The following ARG2 variants were observed in gnomAD, a reference collection of about 807,000 sequenced individuals.
The protein encoded by ARG2 is arginase 2, also known as arginase-2, mitochondrial.
Under a neutral mutation model 39.4 loss-of-function variants are expected in ARG2, and 21 were observed. The ratio of observed to expected loss-of-function variants is 0.53; its 90% CI spans 0.38 to 0.77. The LOEUF (loss-of-function observed/expected upper bound fraction) is 0.77, where lower values mean the gene tolerates loss of function less well. ARG2 is among the 30% of genes least tolerant of loss of function. The pLI is 0.00. For synonymous variants in ARG2, 150 were observed against 156.7 expected (o/e 0.96, Z 0.32); for missense variants, 378 against 426.2 (o/e 0.89, Z 1.00).
intron 2 of ARG2, among the ~76,000 whole-genome samples, chr14:67,634,217 A>T (rs1159794410): frequency 6.6e-6 from 1 of 152,150 alleles, no homozygotes; most frequent in Non-Finnish European, 1.5e-5. Flanking sequence ...TGCTACTTAG[A>T]AGCCACCTGG....
At chr14:67,643,956 G>A (rs2037065461) in intron 3 of ARG2, among the ~76,000 whole-genome samples, 1 of 149,864 alleles carries the variant, frequency 6.7e-6, no homozygotes, top group Non-Finnish European at 1.5e-5. Context: ...AAATCAACCA[G>A]AGGGCAAGTC....
rs774897437 is a variant in ARG2 at position 67,642,278 on chromosome 14, G to A, written c.277G>A (p.Gly93Ser). 6.2e-7 allele frequency: 1 copy of A among 1,613,960 alleles called. No individual in the cohort carries two copies. Among genetic ancestry groups the A allele is most frequent in the African/African-American group, 1.3e-5 (1 of 74,898 alleles). ...CCTGATAGTGAATCCACGCTCAGTGGGTCTTGCCAACCAGGAACTGGCTGA... is the reference window on the plus strand; with the variant it reads ...CCTGATAGTGAATCCACGCTCAGTGAGTCTTGCCAACCAGGAACTGGCTGA... The part of the protein sequence containing the change: ...NNLIVNPRSV[G>S]LANQELAEVV... Residue 93 changes from glycine to serine, a missense_variant, in exon 3 of 8, where the codon GGT becomes AGT. Gly to Ser is a moderately conservative substitution (Grantham distance 56). Transcript: ENST00000261783.
At chr14:67,624,818 G>A (rs946126324) in intron 2 of ARG2, among the ~76,000 whole-genome samples, 1 of 152,146 alleles carries the variant, frequency 6.6e-6, no homozygotes, top group African/African-American at 2.4e-5. Context: ...CAGCAATCTG[G>A]GGAGCATTTA....
intron 6 of ARG2, 57 bp downstream of exon 6, chr14:67,647,082 CTG>C: frequency 9.1e-7 from 1 of 1,104,964 alleles, no homozygotes; most frequent in East Asian, 2.4e-5. Flanking sequence ...CACTTTTAGC[CTG>C]TTTCTTGAGG....
chr14:67,626,633 G>T (rs2036869150), intron 2 of ARG2, among the ~76,000 whole-genome samples: 1 of 152,114 alleles, frequency 6.6e-6, no homozygotes, highest in Non-Finnish European at 1.5e-5. Context: ...ACCATGCCCA[G>T]CTAACTTTTG....
At chr14:67,632,038 C>G (rs894272744) in intron 2 of ARG2, among the ~76,000 whole-genome samples, 2 of 152,046 alleles carry the variant, frequency 1.3e-5, no homozygotes, top group Non-Finnish European at 2.9e-5. Context: ...CCATGCCTAG[C>G]TAATTTTGTT....
intron 2 of ARG2, among the ~76,000 whole-genome samples, chr14:67,625,521 C>CA (rs1314119191): frequency 2.0e-5 from 3 of 149,968 alleles, no homozygotes; most frequent in Non-Finnish European, 4.5e-5. Flanking sequence ...ACTAAAAATA[C>CA]AAAAAAAAAT....
intron 6 of ARG2, chr14:67,647,827 A>C (rs2037120392): frequency 3.6e-6 from 2 of 558,062 alleles, no homozygotes; most frequent in Non-Finnish European, 6.4e-6. Context: ...GGTATGCAGA[A>C]CAAATGGCAG....
In ARG2 at chr14:67,639,924, CAAAAA is replaced by C. The variant is rs5809358; in HGVS notation, c.185-2241_185-2237del. Among the ~76,000 whole-genome samples, 339 of 61,858 alleles carry C rather than the reference CAAAAA, an allele frequency of 5.5e-3. 11 individuals are homozygous for C. In the East Asian group the frequency reaches 0.13, roughly 23 times the overall value. 40.6% of individuals were successfully genotyped at this position (61,858 alleles called of 152,430 possible). A position where few individuals can be genotyped will look rare whatever the true frequency, so the allele number is the denominator to read the frequency against. On this transcript the variant is annotated intron_variant, in intron 2 of 7. Transcript: ENST00000261783. ...TGCATGATAGCGCAAGACCCTGTCT[CAAAAA>C]AAAAAAAAAAAAAAAAAAAAGTCTG... is the stretch of plus-strand genomic sequence containing the variant.
chr14:67,640,686 C>T (rs2037020664), intron 2 of ARG2, among the ~76,000 whole-genome samples: 1 of 152,166 alleles, frequency 6.6e-6, no homozygotes, highest in African/African-American at 2.4e-5. Context: ...AGAATATAAT[C>T]TATGTCAATG....
intron 2 of ARG2, among the ~76,000 whole-genome samples, chr14:67,639,000 T>C (rs1174422908): frequency 6.6e-6 from 1 of 152,180 alleles, no homozygotes; most frequent in African/African-American, 2.4e-5. Context: ...CAGAATCCAC[T>C]ACCCAGGTTG....
chr14:67,648,747 A>G (rs951191555), intron 7 of ARG2: 1 of 152,228 alleles, frequency 6.6e-6, no homozygotes, highest in African/African-American at 2.4e-5. Flanking sequence ...AAGACTGGCT[A>G]CTTTTCCAAA....
In ARG2 at chr14:67,642,339, G is replaced by A. The variant is rs2037042121; in HGVS notation, c.338G>A (p.Cys113Tyr). 1.2e-6 allele frequency: 2 copies of A among 1,613,996 alleles called. No homozygotes were observed. The highest frequency in any genetic ancestry group is 2.2e-5 in the East Asian group (1 of 44,880). Residue 113 changes from cysteine (C) to tyrosine (Y), a missense_variant, in exon 3 of 8, where the codon TGT becomes TAT. By Grantham distance (194) the Cys-to-Tyr change is radical. Transcript: ENST00000261783. ...VSRAVSDGYS[C>Y]VTLGGDHSLA... ...AGAGCTGTGTCAGATGGCTACAGCT[G>A]TGTCACACTGGGAGGAGACCACAGG...
At chr14:67,626,839 A>ATT (rs2036871584) in intron 2 of ARG2, among the ~76,000 whole-genome samples, 2 of 152,238 alleles carry the variant, frequency 1.3e-5, no homozygotes, top group South Asian at 4.1e-4. Context: ...CATTAATTGA[A>ATT]TAGGGGAGGA....
intron 2 of ARG2, among the ~76,000 whole-genome samples, chr14:67,629,059 T>TG (rs1275021371): frequency 6.6e-6 from 1 of 151,958 alleles, no homozygotes; most frequent in East Asian, 1.9e-4. Flanking sequence ...CAGGGCTGGG[T>TG]GGGGTGGCTC....
At chr14:67,621,306 TA>T (rs2036808096) in intron 2 of ARG2, among the ~76,000 whole-genome samples, 1 of 152,188 alleles carries the variant, frequency 6.6e-6, no homozygotes, top group Non-Finnish European at 1.5e-5. Context: ...TTGAGATGCT[TA>T]TGATTTATCA....
Position 67,645,791 on chromosome 14 carries a change from C to G in ARG2, c.511C>G (p.Leu171Val). The change falls in exon 4 of 8, where the codon CTA (leucine) becomes GTA (valine). Residue 171 changes from leucine (L) to valine (V), a missense_variant. Physicochemically the swap from Leu to Val is conservative, Grantham distance 32. Transcript: ENST00000261783. ...GCCAGTTTCATTTCTCCTCAGAGAA[C>G]TACAGGATAAGGTCAGTGGGCCAAA... ...GQPVSFLLRE[L>V]QDKVPQLPGF... 6.2e-7 allele frequency: 1 copy of G among 1,613,896 alleles called. No individual in the cohort carries two copies. The highest frequency in any genetic ancestry group is 8.5e-7 in the Non-Finnish European group (1 of 1,179,884).
chr14:67,623,131 T>C (rs1715438154), intron 2 of ARG2, among the ~76,000 whole-genome samples: 1 of 152,198 alleles, frequency 6.6e-6, no homozygotes, highest in Non-Finnish European at 1.5e-5. Flanking sequence ...TAGCTCAGTA[T>C]CACCAGCAGT....
intron 2 of ARG2, among the ~76,000 whole-genome samples, chr14:67,631,681 C>G (rs1183999479): frequency 6.6e-6 from 1 of 152,152 alleles, no homozygotes; most frequent in African/African-American, 2.4e-5. Context: ...ATCCTCCTGC[C>G]TTGGCCTTCC....
Sources: allele counts gnomAD v4.1 joint callset (sites outside exome capture counted in the v4.1 genomes callset), GRCh38; gene constraint gnomAD v4.1.1; transcripts MANE v1.5; gene names NCBI Gene and HGNC (gene_info 2026-07-23, HGNC 2026-07-21).